Variants in ACTR3 observed in about 807,000 individuals in gnomAD.
ACTR3 encodes the protein actin related protein 3.
ACTR3 carries 12 observed loss-of-function variants against 56.8 expected under a neutral mutation model. That is an observed-to-expected ratio of 0.21 (90% confidence interval 0.14 to 0.34). ACTR3 has a LOEUF of 0.34. Among genes scored for constraint, ACTR3 ranks in the 10% least tolerant of loss-of-function variants. The pLI is 1.00. For synonymous variants in ACTR3, 162 were observed against 167.4 expected, an observed-to-expected ratio of 0.97 and a Z score of 0.25; for missense variants, 282 against 512.5, an observed-to-expected ratio of 0.55 and a Z score of 4.34.
intron 2 of ACTR3, among the ~76,000 whole-genome samples, chr2:113,914,590 G>A (rs1156445964): frequency 6.7e-6 from 1 of 148,710 alleles, no homozygotes; most frequent in Non-Finnish European, 1.5e-5. Flanking sequence ...CAGGCCTGGG[G>A]GGTGACAGAG....
chr2:113,930,891 G>T (rs977442591), intron 4 of ACTR3, among the ~76,000 whole-genome samples: 6 of 152,126 alleles, frequency 3.9e-5, no homozygotes, highest in African/African-American at 1.4e-4. Context: ...TCATCTAAAA[G>T]CATTACTTAG....
chr2:113,930,240 A>C (rs1679695285), intron 4 of ACTR3, among the ~76,000 whole-genome samples: 1 of 152,078 alleles, frequency 6.6e-6, no homozygotes, highest in African/African-American at 2.4e-5. Context: ...TTATCTCCAG[A>C]CTTTTAAACA....
intron 5 of ACTR3, chr2:113,933,926 C>T (rs1559479819): frequency 2.8e-5 from 5 of 178,668 alleles, no homozygotes; most frequent in South Asian, 1.1e-4. Context: ...GTGATCTGCC[C>T]GCCTCGGCCT....
At chr2:113,934,246 T>TTTTTTTTCC in intron 5 of ACTR3, 33 bp from the exon 6 acceptor site, 1 of 1,424,772 alleles carries the variant, frequency 7.0e-7, no homozygotes, top group Non-Finnish European at 9.6e-7. Context: ...TTTTTTTTTG[T>TTTTTTTTCC]TTTTTTGCCT....
At chr2:113,905,631 C>T (rs1249251075) in intron 1 of ACTR3, among the ~76,000 whole-genome samples, 1 of 152,072 alleles carries the variant, frequency 6.6e-6, no homozygotes, top group Non-Finnish European at 1.5e-5. Flanking sequence ...TGAAACTCTG[C>T]GCATTAAGCA....
intron 5 of ACTR3, chr2:113,933,714 C>T (rs148473081): frequency 0.069 from 9,128 of 133,254 alleles, 413 homozygotes; most frequent in Admixed American, 0.098. Context: ...GAGTCTTGCT[C>T]TGTCGCTCAG....
chr2:113,921,318 GTT>G (rs559647219), intron 3 of ACTR3, among the ~76,000 whole-genome samples: 3 of 127,274 alleles, frequency 2.4e-5, no homozygotes, highest in African/African-American at 2.9e-5. Context: ...AAAAATCAGT[GTT>G]TTTTTTTTTT....
rs530552750 is a variant in ACTR3, at chr2:113,956,083, G to T, written c.1161+377G>T. On this transcript the variant is annotated intron_variant, in intron 11 of 11. Transcript: ENST00000263238. ...TATTATTATTTTTTATTGAGATGAG[G>T]TCTTACTATGTTGGGCCAGGCTGGT... Among the ~76,000 whole-genome samples the T allele has an allele frequency of 3.3e-5, 5 of 150,990 alleles. No individual in the cohort carries two copies. The South Asian group carries it at 1.0e-3, about 32-fold the overall frequency.
intron 1 of ACTR3, among the ~76,000 whole-genome samples, chr2:113,908,818 GAGCCTTCAAAACCTTTTTTAAAGTTTAGT>G (rs1313618454): frequency 1.3e-5 from 2 of 151,978 alleles, no homozygotes; most frequent in African/African-American, 4.8e-5. Context: ...TTTGAAGGTT[GAGCCTTCAAAACCTTTTTTAAAGTTTAGT>G]AGATAACTTT....
intron 1 of ACTR3, among the ~76,000 whole-genome samples, chr2:113,900,092 T>C (rs1189139452): frequency 6.6e-6 from 1 of 152,238 alleles, no homozygotes; most frequent in African/African-American, 2.4e-5. Flanking sequence ...TATTGAGTTA[T>C]AATTCACATA....
At chr2:113,926,386 G>A (rs748884385) in intron 3 of ACTR3, among the ~76,000 whole-genome samples, 43 of 152,270 alleles carry the variant, frequency 2.8e-4, no homozygotes, top group Middle Eastern at 3.4e-3. Context: ...ACTTTGCGGC[G>A]CCCTTGTGAA....
intron 3 of ACTR3, among the ~76,000 whole-genome samples, chr2:113,918,296 T>C (rs1169384049): frequency 6.6e-6 from 1 of 152,222 alleles, no homozygotes; most frequent in Non-Finnish European, 1.5e-5. Context: ...CTTTGTGATA[T>C]CATTCAGTGA....
chr2:113,955,536 T>C (rs1032327543), intron 10 of ACTR3, 87 bp from the exon 11 acceptor site: 4 of 952,766 alleles, frequency 4.2e-6, no homozygotes, highest in African/African-American at 3.4e-5. Flanking sequence ...CAGATATTAT[T>C]TTTGTATATG....
At position 113,910,221 on chromosome 2, in the gene ACTR3, T is replaced by C. The variant is rs1679281700; in HGVS notation, c.45-2951T>C. Reference sequence around the variant, plus strand: ...GGCCAATGGTTTAATCAATCCTGTCTATGCACTGAAGCCTCTATAAAAACC... The same window carrying C: ...GGCCAATGGTTTAATCAATCCTGTCCATGCACTGAAGCCTCTATAAAAACC... On this transcript the variant is annotated intron_variant, in intron 1 of 11. Coordinates refer to ENST00000263238, the MANE Select transcript of ACTR3 (RefSeq NM_005721.5). Among the ~76,000 whole-genome samples the C allele has an allele frequency of 2.0e-5, 3 of 152,078 alleles. No individual in the cohort carries two copies. In the South Asian group the frequency reaches 6.2e-4, roughly 32 times the overall value.
chr2:113,927,289 T>G (rs1679639562), intron 3 of ACTR3, 56 bp from the exon 4 acceptor site: 1 of 1,197,520 alleles, frequency 8.4e-7, no homozygotes, highest in Non-Finnish European at 1.2e-6. Context: ...TTTGTATTTT[T>G]ATTTGTTTTT....
At chr2:113,950,249 T>G (rs1247918704) in intron 8 of ACTR3, among the ~76,000 whole-genome samples, 3 of 152,252 alleles carry the variant, frequency 2.0e-5, no homozygotes, top group Non-Finnish European at 4.4e-5. Flanking sequence ...TCTAACTTGC[T>G]TTTTCTCTGT....
intron 8 of ACTR3, among the ~76,000 whole-genome samples, chr2:113,950,366 C>T (rs529025424): frequency 3.5e-4 from 54 of 152,236 alleles, no homozygotes; most frequent in South Asian, 2.1e-3. Flanking sequence ...AACCGTGCCA[C>T]TAAATAGAAC....
In ACTR3 at chr2:113,933,741, A is replaced by G. The variant is rs1293927694; in HGVS notation, c.433-538A>G. On this transcript the variant is annotated intron_variant, in intron 5 of 11. Coordinates refer to ENST00000263238, the MANE Select transcript of ACTR3 (RefSeq NM_005721.5). ...GTCGCTCAGTCTGGAGTACAGTGGCATGATCTCGGCTCATTGCAAGCTCCG... is the reference window on the plus strand; with the variant it reads ...GTCGCTCAGTCTGGAGTACAGTGGCGTGATCTCGGCTCATTGCAAGCTCCG... 2.1e-5 allele frequency: 3 copies of G among 141,238 alleles called. No individual in the cohort carries two copies. In the East Asian group the frequency reaches 6.4e-4, roughly 30 times the overall value. 8.7% of individuals were successfully genotyped at this position (141,238 alleles called of 1,614,324 possible).
Position 113,890,127 on chromosome 2 carries a change from T to G in ACTR3, c.-153T>G. ...TAGCCGCCGACCGAGCCTGCTGCTT[T>G]CTTGCTACTGCTTCGGCTTCCCGGC... On this transcript the variant is annotated 5_prime_UTR_variant, in exon 1 of 12. Coordinates refer to ENST00000263238, the MANE Select transcript of ACTR3 (RefSeq NM_005721.5). The G allele has an allele frequency of 1.1e-6, 1 of 937,390 alleles. No homozygotes were observed. Among genetic ancestry groups the G allele is most frequent in the South Asian group, 1.5e-5 (1 of 68,940 alleles). 58.1% of individuals were successfully genotyped at this position (937,390 alleles called of 1,614,324 possible). A position where few individuals can be genotyped will look rare whatever the true frequency, so the allele number is the denominator to read the frequency against.
Sources: gnomAD v4.1 joint callset for allele counts (sites outside exome capture counted in the v4.1 genomes callset) on GRCh38, gnomAD v4.1.1 for gene constraint, MANE v1.5 for transcripts, NCBI Gene and HGNC (gene_info 2026-07-23, HGNC 2026-07-21) for gene names.